GCFC2: variants seen among roughly 807,000 people sequenced by gnomAD.
GCFC2 encodes the protein intron Large complex component GCFC2.
Under a neutral mutation model 99.4 loss-of-function variants are expected in GCFC2, and 102 were observed. The ratio of observed to expected loss-of-function variants is 1.03; its 90% confidence interval spans 0.87 to 1.21. The LOEUF is 1.21. GCFC2 is among the 50% of genes most tolerant of loss of function. GCFC2 has a pLI of 0.00. For missense variants in GCFC2, 973 were observed against 920.9 expected (o/e 1.06, Z -0.73); for synonymous variants, 338 against 316.8 (o/e 1.07, Z -0.71).
rs964498450 is a variant in GCFC2, at chr2:75,701,236, T to C, written c.671A>G (p.Asp224Gly). 1.9e-6 allele frequency: 3 copies of C among 1,609,770 alleles called. No homozygotes were observed. Among genetic ancestry groups the C allele is most frequent in the Non-Finnish European group, 2.6e-6 (3 of 1,176,044 alleles). The change falls in exon 4 of 17, where the codon GAT becomes GGT. Residue 224 changes from aspartate to glycine, a missense_variant. Transcript: ENST00000321027. ...CCTCATTTGCTGTTGTTCCCAAGTA[T>C]CTTGCTTTTCATCTTCCTGACTTTC... ...SEESQEDEKQ[D>G]TWEQQQMRKA...
chr2:75,673,085 C>T (rs1986240), intron 13 of GCFC2, among the ~76,000 whole-genome samples: 29,229 of 151,860 alleles, frequency 0.19, 3,511 homozygotes, highest in South Asian at 0.3. Flanking sequence ...CCAAGGCGGG[C>T]GGATCACAAG....
At chr2:75,672,055 G>T (rs769592113) in intron 13 of GCFC2, 39 bp from the exon 14 acceptor site, 3 of 1,122,386 alleles carry the variant, frequency 2.7e-6, no homozygotes, top group Admixed American at 3.4e-5. Context: ...AAAATGCAAA[G>T]AACTATTAGT....
intron 12 of GCFC2, among the ~76,000 whole-genome samples, chr2:75,674,254 C>G (rs1176639831): frequency 6.6e-6 from 1 of 152,110 alleles, no homozygotes; most frequent in African/African-American, 2.4e-5. Context: ...TATACTCCAG[C>G]TGTGGGTCCT....
intron 15 of GCFC2, 52 bp from the exon 16 acceptor site, chr2:75,666,105 T>C (rs781557742): frequency 1.7e-5 from 25 of 1,447,592 alleles, no homozygotes; most frequent in Non-Finnish European, 2.2e-5. Flanking sequence ...CTAAGAAATC[T>C]TGCTAATATA....
chr2:75,688,898 T>C (rs1679930829), intron 10 of GCFC2, 128 bp downstream of exon 10: 5 of 588,046 alleles, frequency 8.5e-6, no homozygotes, highest in Non-Finnish European at 1.5e-5. Context: ...ATTTTCTGAC[T>C]ATTGTTCCAA....
chr2:75,694,142 C>A, intron 6 of GCFC2, 99 bp downstream of exon 6: 1 of 405,042 alleles, frequency 2.5e-6, no homozygotes, highest in Non-Finnish European at 4.4e-6. Flanking sequence ...AGGAAAAATA[C>A]TAGAGAAAAG....
chr2:75,673,387 C>G (rs1679207900), intron 13 of GCFC2, 57 bp downstream of exon 13: 1 of 775,820 alleles, frequency 1.3e-6, no homozygotes, highest in Non-Finnish European at 2.3e-6. Flanking sequence ...CATTCTTAAA[C>G]AAATCTGTAT....
At chr2:75,712,580 C>G (rs1028181709), upstream of GCFC2, among the ~76,000 whole-genome samples, 1 of 152,150 alleles carries the variant, frequency 6.6e-6, no homozygotes, top group Non-Finnish European at 1.5e-5. Flanking sequence ...CCGCTCCGGT[C>G]CCCTTCCACA....
intron 12 of GCFC2, among the ~76,000 whole-genome samples, chr2:75,676,681 G>A (rs1233869919): frequency 1.3e-5 from 2 of 152,094 alleles, no homozygotes; most frequent in Middle Eastern, 3.2e-3. Context: ...GCTGACTCAC[G>A]CTGGGTTTAT....
rs1289339433 is a variant in GCFC2, at chr2:75,687,846, T to A, written c.1671A>T (p.Thr557=). The stretch of plus-strand genomic sequence containing the variant: ...CAGTACCTGTAAGTCGGGGAATAAT[T>A]GTTTTGTTGATGATTGCAGACAAGA... ...KKVLSAIINK[T]IIPRLTDFVE... The change falls in exon 11 of 17, where the codon ACA becomes ACT. Residue 557 remains threonine, a synonymous_variant. Coordinates refer to ENST00000321027, the MANE Select transcript of GCFC2 (RefSeq NM_003203.5). 6.2e-7 allele frequency: 1 copy of A among 1,606,094 alleles called. No individual in the cohort carries two copies. Among genetic ancestry groups the A allele is most frequent in the Non-Finnish European group, 8.5e-7 (1 of 1,177,126 alleles).
chr2:75,709,797 T>C (rs897764341), intron 1 of GCFC2, among the ~76,000 whole-genome samples: 1 of 152,234 alleles, frequency 6.6e-6, no homozygotes, highest in Admixed American at 6.5e-5. Context: ...TTGTACACTA[T>C]AAGTATATAC....
chr2:75,667,108 A>G (rs193151170), intron 15 of GCFC2, among the ~76,000 whole-genome samples: 2 of 152,246 alleles, frequency 1.3e-5, no homozygotes, highest in Non-Finnish European at 2.9e-5. Flanking sequence ...TTATTATTCC[A>G]TCAGATTTCA....
rs1238678156 is a variant in GCFC2, at chr2:75,690,067, TG to T, written c.1240del (p.Gln414LysfsTer26). On this transcript the variant is annotated frameshift_variant, in exon 9 of 17. Transcript: ENST00000321027. LOFTEE classifies it high-confidence loss of function. ...ACAATTCCCAGAAAGCACCCTTGCT[TG>T]TCTTCTTTTTGTCCTATATTTTGCA... is the stretch of plus-strand genomic sequence containing the variant. Reference protein sequence around the residue: ...EIESRRTKRRQARVLSGNCNH... With the variant: ...EIESRRTKRRXARVLSGNCNH... The T allele has an allele frequency of 1.9e-6, 3 of 1,601,836 alleles. No homozygotes were observed. The African/African-American group carries it at 4.0e-5, about 21-fold the overall frequency.
chr2:75,705,616 C>CCAAAA (rs1680823540), intron 2 of GCFC2, among the ~76,000 whole-genome samples: 2 of 84,328 alleles, frequency 2.4e-5, no homozygotes, highest in South Asian at 1.0e-3. Context: ...GACTCCATCT[C>CCAAAA]AAAAAAAAAA....
At position 75,665,968 on chromosome 2, in the gene GCFC2, A is replaced by G; in HGVS notation, c.2189T>C (p.Leu730Ser). Residue 730 changes from leucine to serine, a missense_variant, in exon 16 of 17, where the codon TTA becomes TCA. Transcript: ENST00000321027. Reference protein sequence around the residue: ...IPQLENFIQFLLQSAHKLSRS... With the variant: ...IPQLENFIQFSLQSAHKLSRS... ...AGATAATTTATGTGCAGACTGCAATAAAAACTGAATGAAGTTTTCTAGCTG... is the reference window on the plus strand; with the variant it reads ...AGATAATTTATGTGCAGACTGCAATGAAAACTGAATGAAGTTTTCTAGCTG... 1 of 1,599,898 alleles carries G rather than the reference A, an allele frequency of 6.3e-7. No individual in the cohort carries two copies. Among genetic ancestry groups the G allele is most frequent in the South Asian group, 1.1e-5 (1 of 90,236 alleles).
At chr2:75,711,824 G>T (rs567437387), upstream of GCFC2, among the ~76,000 whole-genome samples, 1 of 152,244 alleles carries the variant, frequency 6.6e-6, no homozygotes, top group African/African-American at 2.4e-5. Flanking sequence ...TGCAGGGCTC[G>T]GGACCTGCAG....
At chr2:75,684,177 T>C (rs922292734) in intron 11 of GCFC2, among the ~76,000 whole-genome samples, 2 of 152,182 alleles carry the variant, frequency 1.3e-5, no homozygotes, top group Admixed American at 6.5e-5. Flanking sequence ...AGAATATACA[T>C]TTTTCTTAGC....
chr2:75,674,415 C>T (rs1345439024), intron 12 of GCFC2, among the ~76,000 whole-genome samples: 1 of 151,972 alleles, frequency 6.6e-6, no homozygotes, highest in African/African-American at 2.4e-5. Flanking sequence ...ATGATGACTA[C>T]AGTAACAGAC....
chr2:75,665,433 C>T (rs553553900), intron 16 of GCFC2, among the ~76,000 whole-genome samples: 3 of 152,212 alleles, frequency 2.0e-5, no homozygotes, highest in South Asian at 2.1e-4. Flanking sequence ...ACATTACAGG[C>T]GTGAGCCACC....
Sources: allele counts gnomAD v4.1 joint callset (sites outside exome capture counted in the v4.1 genomes callset), GRCh38; gene constraint gnomAD v4.1.1; transcripts MANE v1.5; gene names NCBI Gene and HGNC (gene_info 2026-07-23, HGNC 2026-07-21).